PGLYRP3: variants seen among roughly 807,000 people sequenced by gnomAD.
PGLYRP3 encodes the protein peptidoglycan recognition protein 3.
In PGLYRP3, 39 loss-of-function variants were observed where a neutral mutation model predicts 36.0. The observed-to-expected ratio is 1.08, with a 90% confidence interval of 0.84 to 1.41. PGLYRP3 has a LOEUF of 1.41. Ranked by LOEUF, PGLYRP3 falls within the 40% of genes most tolerant of loss-of-function variation. The pLI is 0.00. For missense variants in PGLYRP3, 407 were observed against 427.9 expected, an observed-to-expected ratio of 0.95 and a Z score of 0.43; for synonymous variants, 204 against 172.8, an observed-to-expected ratio of 1.18 and a Z score of -1.42.
intron 5 of PGLYRP3, 37 bp from the exon 6 acceptor site, chr1:153,302,644 T>C (rs1200583202): frequency 6.2e-7 from 1 of 1,606,074 alleles, no homozygotes; most frequent in East Asian, 2.2e-5. Context: ...GTAGGAATTT[T>C]TTTTGCCTCT....
Position 153,306,085 on chromosome 1 carries a change from G to A in PGLYRP3, c.257+981C>T, listed in dbSNP as rs187630509. ...GGTGCTGGTGGCAGGGGCAGCAGGT[G>A]AGTCGTGGTTGACATGACATGCCCC... is the stretch of plus-strand genomic sequence containing the variant. On this transcript the variant is annotated intron_variant, in intron 3 of 7. Coordinates refer to ENST00000683862, the MANE Select transcript of PGLYRP3 (RefSeq NM_052891.3). Among the ~76,000 whole-genome samples, 90 of 152,334 alleles carry A rather than the reference G, an allele frequency of 5.9e-4. 2 individuals are homozygous for A. Among genetic ancestry groups the A allele is most frequent in the Admixed American group, 5.9e-3 (90 of 15,298 alleles).
chr1:153,299,789 G>C (rs1191221270), intron 6 of PGLYRP3, among the ~76,000 whole-genome samples: 2 of 152,128 alleles, frequency 1.3e-5, no homozygotes, highest in African/African-American at 2.4e-5. Context: ...TATCCAGCTA[G>C]AAAATTGGAC....
intron 5 of PGLYRP3, 96 bp from the exon 6 acceptor site, chr1:153,302,703 C>T: frequency 5.9e-6 from 7 of 1,182,230 alleles, no homozygotes; most frequent in Non-Finnish European, 8.7e-6. Flanking sequence ...CAGCCTCTCC[C>T]AGGCCTCCAG....
intron 2 of PGLYRP3, among the ~76,000 whole-genome samples, chr1:153,308,632 CT>C (rs1326542076): frequency 6.6e-6 from 1 of 152,244 alleles, no homozygotes; most frequent in African/African-American, 2.4e-5. Context: ...CAAGAGAGCA[CT>C]GGTGCATTGG....
At position 153,305,071 on chromosome 1, in the gene PGLYRP3, A is replaced by G. The variant is rs536208425; in HGVS notation, c.258-6T>C. 2.5e-6 allele frequency: 4 copies of G among 1,604,386 alleles called. No homozygotes were observed. The African/African-American group carries it at 4.0e-5, about 16-fold the overall frequency. On this transcript the variant is annotated splice_polypyrimidine_tract_variant and splice_region_variant and intron_variant, in intron 3 of 7. Transcript: ENST00000683862. ...CATCATCCCCAACCAGGAAGCTGAC[A>G]AGAAGGAAATAATGATTTTACTGCA...
intron 3 of PGLYRP3, among the ~76,000 whole-genome samples, chr1:153,306,414 T>C (rs1039799768): frequency 3.3e-5 from 5 of 152,210 alleles, no homozygotes; most frequent in Admixed American, 6.5e-5. Flanking sequence ...CAATGCACAG[T>C]GCACAGCTCC....
intron 5 of PGLYRP3, among the ~76,000 whole-genome samples, chr1:153,303,358 T>C (rs1348839961): frequency 1.3e-5 from 2 of 152,264 alleles, no homozygotes; most frequent in African/African-American, 4.8e-5. Context: ...TGTAAGCTTA[T>C]GTATGTCCTT....
chr1:153,300,852 A>G (rs1026544836), intron 6 of PGLYRP3, among the ~76,000 whole-genome samples: 2 of 152,200 alleles, frequency 1.3e-5, no homozygotes, highest in South Asian at 2.1e-4. Context: ...TGTAGCATGC[A>G]TATCCCAGAT....
intron 1 of PGLYRP3, among the ~76,000 whole-genome samples, chr1:153,311,737 T>C (rs1659901201): frequency 6.6e-6 from 1 of 152,212 alleles, no homozygotes; most frequent in African/African-American, 2.4e-5. Flanking sequence ...ATGGGATAGA[T>C]CATTGCCCTC....
intron 2 of PGLYRP3, among the ~76,000 whole-genome samples, chr1:153,307,679 A>T (rs1297251594): frequency 6.6e-6 from 1 of 152,016 alleles, no homozygotes; most frequent in Non-Finnish European, 1.5e-5. Context: ...CCCTGGTCTC[A>T]ACTGTGTCTC....
intron 1 of PGLYRP3, among the ~76,000 whole-genome samples, 164 bp from the exon 2 acceptor site, chr1:153,310,870 A>G (rs1286267737): frequency 6.6e-6 from 1 of 152,102 alleles, no homozygotes; most frequent in Non-Finnish European, 1.5e-5. Context: ...CAGGTTCCCA[A>G]TAAATGTGAG....
At chr1:153,299,580 A>C (rs1659534999) in intron 6 of PGLYRP3, among the ~76,000 whole-genome samples, 2 of 151,872 alleles carry the variant, frequency 1.3e-5, no homozygotes, top group Admixed American at 1.3e-4. Context: ...CCACAACCAC[A>C]ACCCTCCTTG....
At chr1:153,300,979 A>C (rs1206160030) in intron 6 of PGLYRP3, among the ~76,000 whole-genome samples, 3 of 152,202 alleles carry the variant, frequency 2.0e-5, no homozygotes, top group Non-Finnish European at 4.4e-5. Flanking sequence ...CAGTGGCACA[A>C]CCATGACTCA....
chr1:153,305,157 ATAAG>A (rs1481103705), intron 3 of PGLYRP3, 92 bp from the exon 4 acceptor site: 4 of 976,342 alleles, frequency 4.1e-6, no homozygotes, highest in East Asian at 2.5e-5. Context: ...CTGGAGGCTC[ATAAG>A]TAAGTACTAT....
At chr1:153,298,170 C>G (rs1356405320) in intron 7 of PGLYRP3, 36 bp from the exon 8 acceptor site, 1 of 1,599,652 alleles carries the variant, frequency 6.3e-7, no homozygotes, top group Non-Finnish European at 8.5e-7. Context: ...TCATTAGGGG[C>G]TCAAAGTTTC....
intron 6 of PGLYRP3, among the ~76,000 whole-genome samples, chr1:153,299,634 C>G (rs990484017): frequency 5.9e-5 from 9 of 152,190 alleles, no homozygotes; most frequent in African/African-American, 2.2e-4. Flanking sequence ...TCCCACCCCA[C>G]CTTACCTTCC....
At chr1:153,309,129 C>T (rs1466785987) in intron 2 of PGLYRP3, among the ~76,000 whole-genome samples, 1 of 152,158 alleles carries the variant, frequency 6.6e-6, no homozygotes, top group Non-Finnish European at 1.5e-5. Flanking sequence ...CCAGCCTGTC[C>T]TTATCCCCCA....
chr1:153,299,218 G>T lies in PGLYRP3; in HGVS notation c.742C>A (p.Gln248Lys). 6.2e-7 allele frequency: 1 copy of T among 1,613,810 alleles called. No homozygotes were observed. Among genetic ancestry groups the T allele is most frequent in the South Asian group, 1.1e-5 (1 of 91,048 alleles). Reference protein sequence around the residue: ...CDIGYHFLVGQDGGVYEGVGW... With the variant: ...CDIGYHFLVGKDGGVYEGVGW... ...ACCCCTTCATACACGCCACCATCCT[G>T]GCCCACCAGGAAGCTTAGGTCAGGA... Residue 248 changes from glutamine (Q) to lysine (K), a missense_variant, in exon 7 of 8, where the codon CAG (glutamine) becomes AAG (lysine). Gln to Lys is a moderately conservative substitution (Grantham distance 53, BLOSUM62 1). Transcript: ENST00000683862.
At chr1:153,298,856 C>G (rs1279647189) in intron 7 of PGLYRP3, among the ~76,000 whole-genome samples, 1 of 152,124 alleles carries the variant, frequency 6.6e-6, no homozygotes, top group East Asian at 1.9e-4. Context: ...TTGCAAAAGA[C>G]GTTTCCCCCC....
Sources: allele counts gnomAD v4.1 joint callset (sites outside exome capture counted in the v4.1 genomes callset), GRCh38; gene constraint gnomAD v4.1.1; transcripts MANE v1.5; gene names NCBI Gene and HGNC (gene_info 2026-07-23, HGNC 2026-07-21).